The following MYO1E variants were observed in gnomAD, a reference collection of about 807,000 sequenced individuals.
The protein encoded by MYO1E is unconventional myosin-Ie.
MYO1E carries 68 observed loss-of-function variants against 151.1 expected under a neutral mutation model. That is an observed-to-expected ratio of 0.45 (90% CI 0.37 to 0.55). The LOEUF (loss-of-function observed/expected upper bound fraction) is 0.55, where lower values mean the gene tolerates loss of function less well. Ranked by LOEUF, MYO1E falls within the 20% of genes least tolerant of loss-of-function variation. The probability of loss-of-function intolerance (pLI) is 0.00; values close to 1 mark genes in which losing one functional copy is unlikely to be tolerated. For missense variants in MYO1E, 1,363 were observed against 1,389.3 expected (o/e 0.98, Z 0.30); for synonymous variants, 601 against 501.7 (o/e 1.20, Z -2.64).
chr15:59,244,038 G>A (rs1219297400), intron 4 of MYO1E, among the ~76,000 whole-genome samples: 1 of 152,142 alleles, frequency 6.6e-6, no homozygotes, highest in African/African-American at 2.4e-5. Flanking sequence ...TACATGCCAT[G>A]GCTAATGGTA....
chr15:59,249,347 C>T (rs1241485490), intron 4 of MYO1E, among the ~76,000 whole-genome samples: 1 of 151,038 alleles, frequency 6.6e-6, no homozygotes, highest in Non-Finnish European at 1.5e-5. Context: ...ATCACTTGTA[C>T]CTGGGAGGCA....
At chr15:59,324,668 C>CCCG (rs1298131921) in intron 1 of MYO1E, among the ~76,000 whole-genome samples, 2 of 150,418 alleles carry the variant, frequency 1.3e-5, no homozygotes, top group African/African-American at 2.5e-5. Flanking sequence ...CCCAAGCCCC[C>CCCG]CCCCCACAGA....
chr15:59,369,366 T>C (rs2080931974), intron 1 of MYO1E, among the ~76,000 whole-genome samples: 1 of 152,256 alleles, frequency 6.6e-6, no homozygotes, highest in Non-Finnish European at 1.5e-5. Context: ...GTATATTTAA[T>C]GCACAGAAAC....
chr15:59,312,838 T>A (rs539060601), intron 1 of MYO1E, among the ~76,000 whole-genome samples: 4 of 151,488 alleles, frequency 2.6e-5, no homozygotes, highest in Non-Finnish European at 5.9e-5. Context: ...GCTAACACAA[T>A]GAAACCCCGA....
intron 1 of MYO1E, among the ~76,000 whole-genome samples, chr15:59,274,381 C>T (rs2080305921): frequency 6.6e-6 from 1 of 152,196 alleles, no homozygotes; most frequent in Non-Finnish European, 1.5e-5. Context: ...CACTAGATTT[C>T]CATTGAATGC....
rs776920917 is a variant in MYO1E, at chr15:59,161,248, G to C, written c.2628-18C>G. Reference sequence around the variant, plus strand: ...GTTCAAGCCTGCAAAAAGCACAGTGGGGTTAACAGGTCGAAGGACGCAGTG... The same window carrying C: ...GTTCAAGCCTGCAAAAAGCACAGTGCGGTTAACAGGTCGAAGGACGCAGTG... On this transcript the variant is annotated intron_variant, in intron 23 of 27. Coordinates refer to ENST00000288235, the MANE Select transcript of MYO1E (RefSeq NM_004998.4). The C allele has an allele frequency of 2.6e-5, 42 of 1,612,810 alleles. No individual in the cohort carries two copies. The highest frequency in any genetic ancestry group is 1.3e-5 in the Non-Finnish European group (15 of 1,179,212).
At chr15:59,363,823 T>C (rs2080898634) in intron 1 of MYO1E, among the ~76,000 whole-genome samples, 1 of 152,246 alleles carries the variant, frequency 6.6e-6, no homozygotes, top group Non-Finnish European at 1.5e-5. Flanking sequence ...TCGCCCAGAC[T>C]GGAGTGCAGT....
intron 9 of MYO1E, among the ~76,000 whole-genome samples, chr15:59,220,317 T>TG (rs1454613839): frequency 3.3e-5 from 5 of 152,102 alleles, no homozygotes; most frequent in Non-Finnish European, 7.4e-5. Flanking sequence ...GGCGTGGTGG[T>TG]GCGCACCTGT....
rs1367686204 is a variant in MYO1E, at chr15:59,154,069, T to C, written c.2879-278A>G. On this transcript the variant is annotated intron_variant, in intron 25 of 27. Transcript: ENST00000288235. ...ACAATGCATGGTCAACTTCCCGGGATGTGCCCGGAACACAGCGGACACTCA... is the reference window on the plus strand; with the variant it reads ...ACAATGCATGGTCAACTTCCCGGGACGTGCCCGGAACACAGCGGACACTCA... Among the ~76,000 whole-genome samples the C allele has an allele frequency of 3.3e-5, 5 of 152,240 alleles. 1 individual carries two copies. The highest frequency in any genetic ancestry group is 2.6e-4 in the Admixed American group (4 of 15,272).
At chr15:59,245,337 A>G (rs1238684966) in intron 4 of MYO1E, among the ~76,000 whole-genome samples, 5 of 152,242 alleles carry the variant, frequency 3.3e-5, no homozygotes, top group South Asian at 4.1e-4. Context: ...CAAAAATTAC[A>G]TATTTCAAAT....
chr15:59,337,246 T>C (rs2080734710), intron 1 of MYO1E, among the ~76,000 whole-genome samples: 1 of 152,208 alleles, frequency 6.6e-6, no homozygotes, highest in Non-Finnish European at 1.5e-5. Flanking sequence ...ACACTCTAAA[T>C]TTCTATTGAA....
At chr15:59,286,875 TACAA>T (rs2080390685) in intron 1 of MYO1E, among the ~76,000 whole-genome samples, 1 of 152,224 alleles carries the variant, frequency 6.6e-6, no homozygotes, top group East Asian at 1.9e-4. Flanking sequence ...GACACATGTT[TACAA>T]ACAGAGATCT....
Position 59,314,703 on chromosome 15 carries a change from G to A in MYO1E, c.4-42254C>T, listed in dbSNP as rs146992700. On this transcript the variant is annotated intron_variant, in intron 1 of 27. Transcript: ENST00000288235. The stretch of plus-strand genomic sequence containing the variant: ...TTCTTGGTGGTCAGACTGAGGAGGG[G>A]GTACTACTGGTATCTAGTGAGTGGA... Among the ~76,000 whole-genome samples the A allele has an allele frequency of 3.0e-3, 450 of 152,056 alleles. 1 individual carries two copies. The highest frequency in any genetic ancestry group is 5.0e-3 in the Non-Finnish European group (339 of 67,976).
intron 9 of MYO1E, among the ~76,000 whole-genome samples, chr15:59,219,427 G>A (rs964090860): frequency 5.9e-5 from 9 of 152,174 alleles, no homozygotes; most frequent in Admixed American, 2.6e-4. Context: ...AAGGCCTTAT[G>A]ATAATGCTAA....
intron 1 of MYO1E, among the ~76,000 whole-genome samples, chr15:59,296,059 TA>T (rs1186797613): frequency 6.6e-6 from 1 of 152,092 alleles, no homozygotes; most frequent in African/African-American, 2.4e-5. Context: ...ACACAATTTC[TA>T]AGCATACTAA....
intron 2 of MYO1E, among the ~76,000 whole-genome samples, chr15:59,267,781 G>A (rs2080265355): frequency 1.3e-5 from 2 of 152,206 alleles, no homozygotes; most frequent in African/African-American, 2.4e-5. Flanking sequence ...ACACTGTAAT[G>A]TTTTCCTCAT....
At chr15:59,220,472 A>G (rs1566983133) in intron 9 of MYO1E, among the ~76,000 whole-genome samples, 1 of 152,186 alleles carries the variant, frequency 6.6e-6, no homozygotes, top group Non-Finnish European at 1.5e-5. Context: ...AAAACAAAAT[A>G]AAACAAAAAA....
intron 15 of MYO1E, among the ~76,000 whole-genome samples, chr15:59,204,989 T>A (rs921712130): frequency 2.6e-5 from 4 of 152,136 alleles, no homozygotes; most frequent in Admixed American, 6.5e-5. Flanking sequence ...AGATGGCACT[T>A]GGAATTTGGG....
chr15:59,320,348 G>A (rs1240856075), intron 1 of MYO1E, among the ~76,000 whole-genome samples: 1 of 151,894 alleles, frequency 6.6e-6, no homozygotes, highest in African/African-American at 2.4e-5. Flanking sequence ...AACCAAAAAA[G>A]GGCCCAAATA....
Sources: allele counts gnomAD v4.1 joint callset (sites outside exome capture counted in the v4.1 genomes callset), GRCh38; gene constraint gnomAD v4.1.1; transcripts MANE v1.5; gene names NCBI Gene and HGNC (gene_info 2026-07-23, HGNC 2026-07-21).